Variants in SLC39A14 observed in about 807,000 individuals in gnomAD.
The protein encoded by SLC39A14 is solute carrier family 39 member 14.
SLC39A14 carries 19 observed loss-of-function variants against 45.5 expected under a neutral mutation model. That is an observed-to-expected ratio of 0.42 (90% CI 0.29 to 0.61). The LOEUF (loss-of-function observed/expected upper bound fraction) is 0.61. Ranked by LOEUF, SLC39A14 falls within the 20% of genes least tolerant of loss-of-function variation. The pLI, the probability that SLC39A14 is intolerant of heterozygous loss-of-function variation, is 0.22. For synonymous variants in SLC39A14, 264 were observed against 251.3 expected (o/e 1.05, Z -0.48); for missense variants, 447 against 616.5 (o/e 0.73, Z 2.91).
chr8:22,408,127 A>G (rs1441578155), intron 2 of SLC39A14, among the ~76,000 whole-genome samples, 183 bp from the exon 3 acceptor site: 3 of 152,216 alleles, frequency 2.0e-5, no homozygotes, highest in Non-Finnish European at 4.4e-5. Flanking sequence ...ATTAGTTACT[A>G]GTTTTTTAAG....
chr8:22,374,482 A>C (rs1833099804), intron 1 of SLC39A14, among the ~76,000 whole-genome samples: 1 of 152,084 alleles, frequency 6.6e-6, no homozygotes, highest in Admixed American at 6.6e-5. Flanking sequence ...ACTGAGCCAC[A>C]TCTTGAAAGC....
At chr8:22,396,372 A>C (rs1470800458) in intron 1 of SLC39A14, among the ~76,000 whole-genome samples, 1 of 108,954 alleles carries the variant, frequency 9.2e-6, no homozygotes, top group Non-Finnish European at 1.9e-5. Flanking sequence ...ATCTTAAAAA[A>C]TAAATAAATA....
At chr8:22,408,970 A>G (rs1399636949) in intron 3 of SLC39A14, among the ~76,000 whole-genome samples, 1 of 150,930 alleles carries the variant, frequency 6.6e-6, no homozygotes, top group African/African-American at 2.4e-5. Flanking sequence ...ACAGGCGTGC[A>G]CCGCCATGCC....
chr8:22,415,048 A>G, intron 5 of SLC39A14, 146 bp downstream of exon 5: 2 of 962,524 alleles, frequency 2.1e-6, no homozygotes, highest in African/African-American at 3.4e-5. Context: ...AGACAATCCC[A>G]TTTCACCTCC....
chr8:22,409,833 G>A (rs2132332885), intron 3 of SLC39A14: 1 of 1,041,620 alleles, frequency 9.6e-7, no homozygotes, highest in Non-Finnish European at 1.4e-6. Context: ...TGATGGGTTG[G>A]TGGATCTCAG....
intron 1 of SLC39A14, among the ~76,000 whole-genome samples, chr8:22,381,299 G>C (rs1833498075): frequency 7.0e-6 from 1 of 142,024 alleles, no homozygotes; most frequent in African/African-American, 2.7e-5. Context: ...CCCCGAGACA[G>C]AGTCTCGCTC....
intron 8 of SLC39A14, chr8:22,433,816 C>G: frequency 4.9e-6 from 1 of 202,134 alleles, no homozygotes; most frequent in Non-Finnish European, 1.1e-5. Context: ...CCCGCCTTGG[C>G]CTCCAAAGTG....
intron 3 of SLC39A14, among the ~76,000 whole-genome samples, chr8:22,409,417 T>C (rs1021971873): frequency 3.9e-5 from 6 of 152,044 alleles, no homozygotes; most frequent in Non-Finnish European, 8.8e-5. Flanking sequence ...ACTTTCGCTC[T>C]TGTTGCCCAG....
intron 1 of SLC39A14, among the ~76,000 whole-genome samples, chr8:22,386,580 C>G (rs1016648023): frequency 2.0e-5 from 3 of 152,138 alleles, no homozygotes; most frequent in African/African-American, 7.2e-5. Context: ...ATGACTCTTT[C>G]ATTAAGCTGT....
chr8:22,407,679 G>C (rs1046686588), intron 2 of SLC39A14, among the ~76,000 whole-genome samples: 1 of 148,864 alleles, frequency 6.7e-6, no homozygotes, highest in African/African-American at 2.5e-5. Flanking sequence ...GTGTTTTCTA[G>C]AAACTATACC....
rs577151671 is a variant in SLC39A14 at position 22,409,878 on chromosome 8, G to A, written c.457+1382G>A. ...TCACACCTGAATTCAGAACAGGGCC[G>A]CCCCAGGCAGCAGGAGTGTCCCCAC... On this transcript the variant is annotated intron_variant, in intron 3 of 8. Coordinates refer to ENST00000381237, the MANE Select transcript of SLC39A14 (RefSeq NM_001128431.4). 60 of 1,566,514 alleles carry A rather than the reference G, an allele frequency of 3.8e-5. No individual in the cohort carries two copies. In the African/African-American group the frequency reaches 7.5e-4, roughly 19 times the overall value.
In SLC39A14 at chr8:22,413,755, A is replaced by T. The variant is rs545324257; in HGVS notation, c.628-1025A>T. Among the ~76,000 whole-genome samples the T allele has an allele frequency of 2.6e-5, 4 of 152,228 alleles. No homozygotes were observed. In the South Asian group the frequency reaches 6.2e-4, roughly 24 times the overall value. On this transcript the variant is annotated intron_variant, in intron 4 of 8. Transcript: ENST00000381237. ...ACCCACAAAAAAATTTAAGAATAAA[A>T]TAGGAGCAAGTCGTTAGATACTTTT...
intron 1 of SLC39A14, among the ~76,000 whole-genome samples, chr8:22,400,083 T>A (rs2132286955): frequency 6.6e-6 from 1 of 151,344 alleles, no homozygotes. Context: ...TCGGGAAAGA[T>A]CTGCACAGAG....
Position 22,396,598 on chromosome 8 carries a change from G to A in SLC39A14, c.-15-8098G>A, listed in dbSNP as rs542474301. On this transcript the variant is annotated intron_variant, in intron 1 of 8. Transcript: ENST00000381237. ...AGAGAGAGAGAGAGAGAGAGAGAGA[G>A]AAGACTAAGTGGAATTTGGAATTGG... Among the ~76,000 whole-genome samples the A allele has an allele frequency of 1.4e-4, 12 of 87,480 alleles. 1 individual carries two copies. In the South Asian group the frequency reaches 3.6e-3, roughly 26 times the overall value. 57.4% of individuals were successfully genotyped at this position (87,480 alleles called of 152,430 possible).
In SLC39A14 at chr8:22,421,123, G is replaced by C; in HGVS notation, c.*1425G>C. On this transcript the variant is annotated 3_prime_UTR_variant, in exon 9 of 9. Coordinates refer to ENST00000381237, the MANE Select transcript of SLC39A14 (RefSeq NM_001128431.4). ...TGAGATTCTTTAGCCACTTTGGGGAGCCTGTCTCTCCAGAAGCCTTTCTTA... is the reference window on the plus strand; with the variant it reads ...TGAGATTCTTTAGCCACTTTGGGGACCCTGTCTCTCCAGAAGCCTTTCTTA... 2 of 985,834 alleles carry C rather than the reference G, an allele frequency of 2.0e-6. No individual in the cohort carries two copies. Among genetic ancestry groups the C allele is most frequent in the South Asian group, 9.4e-5 (2 of 21,286 alleles). 61.1% of individuals were successfully genotyped at this position (985,834 alleles called of 1,614,324 possible).
In SLC39A14 at chr8:22,412,065, C is replaced by T. The variant is rs35361668; in HGVS notation, c.486C>T (p.Thr162=). 31 of 1,551,416 alleles carry T rather than the reference C, an allele frequency of 2.0e-5. 2 individuals are homozygous for T. The South Asian group carries it at 2.3e-4, about 11-fold the overall frequency. The stretch of plus-strand genomic sequence containing the variant: ...GGGGATACGGTCTCCTCTGTGTGAC[C>T]GTCATCTCCCTCTGCTCCCTCCTGG... ...EVWGYGLLCV[T]VISLCSLLGA... The change falls in exon 4 of 9, where the codon ACC becomes ACT. Residue 162 remains threonine (T), a synonymous_variant. Coordinates refer to ENST00000381237, the MANE Select transcript of SLC39A14 (RefSeq NM_001128431.4).
intron 3 of SLC39A14, 43 bp from the exon 4 acceptor site, chr8:22,411,994 T>C: frequency 6.6e-7 from 1 of 1,526,078 alleles, no homozygotes; most frequent in Non-Finnish European, 8.8e-7. Flanking sequence ...ATGTGCCTTC[T>C]CTCCCTGCCC....
intron 1 of SLC39A14, among the ~76,000 whole-genome samples, chr8:22,387,417 G>T (rs536274175): frequency 1.1e-4 from 16 of 152,298 alleles, no homozygotes; most frequent in Admixed American, 1.0e-3. Context: ...CCTGGGGTTG[G>T]TGTTAGCTGG....
chr8:22,432,701 G>T (rs1197157379), intron 8 of SLC39A14, among the ~76,000 whole-genome samples: 33 of 146,780 alleles, frequency 2.2e-4, no homozygotes, highest in Non-Finnish European at 1.5e-5. Flanking sequence ...ACGCTGGAGT[G>T]CAATGGCATG....
Sources: gnomAD v4.1 joint callset for allele counts (sites outside exome capture counted in the v4.1 genomes callset) on GRCh38, gnomAD v4.1.1 for gene constraint, MANE v1.5 for transcripts, NCBI Gene and HGNC (gene_info 2026-07-23, HGNC 2026-07-21) for gene names.